The following INPP4B variants were observed in gnomAD, a reference collection of about 807,000 sequenced individuals.
The protein encoded by INPP4B is inositol polyphosphate 4-phosphatase type II.
A neutral mutation model predicts 122.5 loss-of-function variants in INPP4B; 55 were observed. The observed-to-expected ratio is 0.45, with a 90% confidence interval of 0.36 to 0.56. The LOEUF (loss-of-function observed/expected upper bound fraction) is 0.56, where lower values mean the gene tolerates loss of function less well. Among genes scored for constraint, INPP4B ranks in the 20% least tolerant of loss-of-function variants. The probability of loss-of-function intolerance (pLI) is 0.00; values close to 1 mark genes in which losing one functional copy is unlikely to be tolerated. For missense variants in INPP4B, 1,000 were observed against 1,097.7 expected (o/e 0.91, Z 1.26); for synonymous variants, 403 against 388.7 (o/e 1.04, Z -0.43).
intron 1 of INPP4B, among the ~76,000 whole-genome samples, chr4:142,794,107 GTATC>G (rs894394837): frequency 1.3e-5 from 2 of 151,928 alleles, no homozygotes; most frequent in African/African-American, 4.8e-5. Flanking sequence ...ATGTATGTAT[GTATC>G]TATCTATCAC....
rs560118506 is a variant in INPP4B, at chr4:142,038,179, G to A, written c.2643-9265C>T. The stretch of plus-strand genomic sequence containing the variant: ...TAGAATATTAAAAGTCGAGTTTCAG[G>A]ACTTTTCAAAAACTGCAACTATTTA... On this transcript the variant is annotated intron_variant, in intron 25 of 25. Coordinates refer to ENST00000262992, the MANE Select transcript of INPP4B (RefSeq NM_001101669.3). 1.5e-4 allele frequency among the ~76,000 whole-genome samples: 23 copies of A among 152,120 alleles called. No homozygotes were observed. In the South Asian group the frequency reaches 4.4e-3, roughly 29 times the overall value.
intron 17 of INPP4B, among the ~76,000 whole-genome samples, chr4:142,157,006 C>G (rs927607845): frequency 6.6e-6 from 1 of 152,036 alleles, no homozygotes; most frequent in South Asian, 2.1e-4. Context: ...TTTAAGTGAT[C>G]AGGGAATATC....
intron 2 of INPP4B, among the ~76,000 whole-genome samples, chr4:142,531,763 G>C (rs537548568): frequency 6.6e-6 from 1 of 152,028 alleles, no homozygotes. Flanking sequence ...ACCAAATATA[G>C]TAAAATACAA....
At chr4:142,824,992 G>A (rs1293588654) in intron 1 of INPP4B, among the ~76,000 whole-genome samples, 6 of 151,902 alleles carry the variant, frequency 3.9e-5, no homozygotes, top group Admixed American at 3.9e-4. Context: ...TATACTGGAG[G>A]AGAAAAAAAT....
At chr4:142,305,857 G>A (rs1265089193) in intron 8 of INPP4B, 7 of 1,097,090 alleles carry the variant, frequency 6.4e-6, no homozygotes, top group Non-Finnish European at 7.8e-6. Flanking sequence ...AATAAAAGAT[G>A]ATATATTTTC....
At chr4:142,829,356 G>T (rs1160706794) in intron 1 of INPP4B, among the ~76,000 whole-genome samples, 1 of 152,140 alleles carries the variant, frequency 6.6e-6, no homozygotes. Context: ...GAGGGAGGAG[G>T]GAGAGTGAGT....
intron 18 of INPP4B, among the ~76,000 whole-genome samples, chr4:142,143,444 C>T (rs2152835118): frequency 6.6e-6 from 1 of 152,056 alleles, no homozygotes; most frequent in East Asian, 1.9e-4. Context: ...TATGAATCTG[C>T]CTTTTTATGA....
At chr4:142,800,607 A>G (rs746761436) in intron 1 of INPP4B, among the ~76,000 whole-genome samples, 1 of 152,162 alleles carries the variant, frequency 6.6e-6, no homozygotes, top group Non-Finnish European at 1.5e-5. Flanking sequence ...ATTTGCTTGG[A>G]TCTCTTAGTA....
chr4:142,435,878 A>G (rs910908647), intron 3 of INPP4B, among the ~76,000 whole-genome samples: 11 of 152,166 alleles, frequency 7.2e-5, no homozygotes, highest in African/African-American at 1.9e-4. Flanking sequence ...AATCTGCCTA[A>G]GTCAGCCAGG....
At chr4:142,227,811 T>TCA (rs1852210047) in intron 12 of INPP4B, among the ~76,000 whole-genome samples, 1 of 116,688 alleles carries the variant, frequency 8.6e-6, no homozygotes, top group African/African-American at 3.4e-5. Flanking sequence ...TGAGCCAAGA[T>TCA]CACACCACTA....
intron 11 of INPP4B, among the ~76,000 whole-genome samples, chr4:142,248,252 C>G (rs1387523070): frequency 6.6e-6 from 1 of 151,954 alleles, no homozygotes; most frequent in East Asian, 1.9e-4. Context: ...AAGCCTTTTC[C>G]CCATGAGATT....
chr4:142,286,050 TA>T, intron 9 of INPP4B, among the ~76,000 whole-genome samples: 1 of 152,256 alleles, frequency 6.6e-6, no homozygotes, highest in East Asian at 1.9e-4. Flanking sequence ...TATAGAACAA[TA>T]AAGATTCCTA....
At chr4:142,532,581 C>T (rs1439296066) in intron 2 of INPP4B, among the ~76,000 whole-genome samples, 3 of 152,066 alleles carry the variant, frequency 2.0e-5, no homozygotes, top group Non-Finnish European at 2.9e-5. Context: ...CACTACTGGC[C>T]TTCAAGCTTC....
At chr4:142,397,099 A>C (rs1799604563) in intron 7 of INPP4B, among the ~76,000 whole-genome samples, 1 of 152,250 alleles carries the variant, frequency 6.6e-6, no homozygotes, top group African/African-American at 2.4e-5. Context: ...TTTAAAAATT[A>C]TGTCCTTTGT....
chr4:142,596,472 G>A (rs1436630900), intron 2 of INPP4B, among the ~76,000 whole-genome samples: 1 of 152,124 alleles, frequency 6.6e-6, no homozygotes, highest in Non-Finnish European at 1.5e-5. Flanking sequence ...CTGACCACCA[G>A]CTGAGTGACT....
chr4:142,569,051 T>A (rs1309147303), intron 2 of INPP4B, among the ~76,000 whole-genome samples: 1 of 152,152 alleles, frequency 6.6e-6, no homozygotes, highest in African/African-American at 2.4e-5. Flanking sequence ...TACTTAAATA[T>A]ACTATGTAAA....
At chr4:142,373,853 A>T (rs193084929) in intron 7 of INPP4B, among the ~76,000 whole-genome samples, 2 of 152,132 alleles carry the variant, frequency 1.3e-5, no homozygotes, top group Admixed American at 1.3e-4. Flanking sequence ...ACAAACAAAA[A>T]GCAACTTTTC....
chr4:142,255,384 G>C (rs183911228), intron 11 of INPP4B, among the ~76,000 whole-genome samples: 24 of 152,122 alleles, frequency 1.6e-4, no homozygotes, highest in Non-Finnish European at 3.1e-4. Context: ...TGGACTAAAT[G>C]CTCCAGTTAA....
intron 2 of INPP4B, among the ~76,000 whole-genome samples, chr4:142,481,964 TC>T (rs1407227076): frequency 6.6e-6 from 1 of 152,082 alleles, no homozygotes; most frequent in Non-Finnish European, 1.5e-5. Context: ...AAAGCCAAAC[TC>T]CCTGCCAGAT....
Sources: allele counts gnomAD v4.1 joint callset (sites outside exome capture counted in the v4.1 genomes callset), GRCh38; gene constraint gnomAD v4.1.1; transcripts MANE v1.5; gene names NCBI Gene and HGNC (gene_info 2026-07-23, HGNC 2026-07-21).